Variants in FAM228B observed in about 807,000 individuals in gnomAD.
The protein encoded by FAM228B is family with sequence similarity 228 member B, also known as protein FAM228B.
A neutral mutation model predicts 42.6 loss-of-function variants in FAM228B; 38 were observed. That is an observed-to-expected ratio of 0.89 (90% confidence interval 0.69 to 1.17). The LOEUF (loss-of-function observed/expected upper bound fraction) is 1.17. Ranked by LOEUF, FAM228B falls within the 50% of genes most tolerant of loss-of-function variation. The probability of loss-of-function intolerance (pLI) is 0.00; values close to 1 mark genes in which losing one functional copy is unlikely to be tolerated. For missense variants in FAM228B, 344 were observed against 367.3 expected, an observed-to-expected ratio of 0.94 and a Z score of 0.52; for synonymous variants, 109 against 122.3, an observed-to-expected ratio of 0.89 and a Z score of 0.72.
chr2:24,153,306 C>T (rs1255505208), intron 7 of FAM228B, among the ~76,000 whole-genome samples: 5 of 152,204 alleles, frequency 3.3e-5, no homozygotes, highest in Non-Finnish European at 7.3e-5. Context: ...TTCTGGGTCA[C>T]TGCTGAAGCC....
chr2:24,168,620 T>C (rs1286166105), intron 10 of FAM228B, among the ~76,000 whole-genome samples: 3 of 151,956 alleles, frequency 2.0e-5, no homozygotes, highest in African/African-American at 7.3e-5. Flanking sequence ...TTTTGTGGGG[T>C]TTTGCTATAA....
At chr2:24,154,833 G>C (rs1329294905) in intron 7 of FAM228B, among the ~76,000 whole-genome samples, 1 of 152,140 alleles carries the variant, frequency 6.6e-6, no homozygotes, top group Non-Finnish European at 1.5e-5. Flanking sequence ...ATTATTTCTA[G>C]AGCATCATTA....
chr2:24,135,474 C>A (rs10187612), intron 3 of FAM228B, among the ~76,000 whole-genome samples: 2 of 151,998 alleles, frequency 1.3e-5, no homozygotes, highest in Non-Finnish European at 2.9e-5. Flanking sequence ...AATGAGCTAA[C>A]CCTTAAGAGC....
chr2:24,156,770 TTCCGCC>T (rs774116172), intron 7 of FAM228B, among the ~76,000 whole-genome samples: 4 of 30,110 alleles, frequency 1.3e-4, no homozygotes, highest in East Asian at 3.2e-3. Context: ...ATACATTTCT[TTCCGCC>T]CCCCCCCCCC....
rs144303249 is a variant in FAM228B, at chr2:24,139,198, T to G, written c.361-172T>G. 2.0e-4 allele frequency among the ~76,000 whole-genome samples: 30 copies of G among 152,292 alleles called. 1 individual carries two copies. The East Asian group carries it at 5.8e-3, about 29-fold the overall frequency. On this transcript the variant is annotated intron_variant, in intron 4 of 10. Coordinates refer to ENST00000615575, the MANE Select transcript of FAM228B (RefSeq NM_001145710.2). ...GATTCCTTCCTTCACTATACCTGAT[T>G]GCTTGAATAAATTAAATTTAAAATG...
intron 7 of FAM228B, among the ~76,000 whole-genome samples, chr2:24,160,071 C>T (rs1667252763): frequency 6.6e-6 from 1 of 151,728 alleles, no homozygotes; most frequent in Non-Finnish European, 1.5e-5. Context: ...TAACTGCAGC[C>T]TTGATCTCCT....
intron 3 of FAM228B, among the ~76,000 whole-genome samples, chr2:24,107,807 A>T (rs751027984): frequency 6.6e-6 from 1 of 152,212 alleles, no homozygotes; most frequent in Admixed American, 6.5e-5. Flanking sequence ...ATAGCACTAA[A>T]TGCCCACATG....
chr2:24,166,054 A>AAAAAATATATATATATAT (rs56146407), intron 9 of FAM228B: 1 of 81,030 alleles, frequency 1.2e-5, no homozygotes, highest in Admixed American at 1.8e-4. Flanking sequence ...AAAAAAAAAA[A>AAAAAATATATATATATAT]ATATATATAT....
At chr2:24,081,272 G>C (rs1664990728) in intron 2 of FAM228B, among the ~76,000 whole-genome samples, 1 of 152,152 alleles carries the variant, frequency 6.6e-6, no homozygotes, top group Non-Finnish European at 1.5e-5. Flanking sequence ...CTGTCTTATT[G>C]CCTCTGGCTA....
At chr2:24,137,511 G>A (rs1666618472) in intron 3 of FAM228B, among the ~76,000 whole-genome samples, 1 of 152,044 alleles carries the variant, frequency 6.6e-6, no homozygotes, top group Non-Finnish European at 1.5e-5. Context: ...TTGTTTCTTA[G>A]GGATGGGTTT....
rs764740471 is a variant in FAM228B at position 24,167,671 on chromosome 2, A to G, written c.*2A>G. On this transcript the variant is annotated 3_prime_UTR_variant, in exon 10 of 11. Coordinates refer to ENST00000615575, the MANE Select transcript of FAM228B (RefSeq NM_001145710.2). ...GGGCTGCTGAAGCTGGAGCTATAAG[A>G]AAGAAGAGGGAGGTAGATGTCTTCT... is the stretch of plus-strand genomic sequence containing the variant. 9 of 1,551,508 alleles carry G rather than the reference A, an allele frequency of 5.8e-6. No homozygotes were observed. The highest frequency in any genetic ancestry group is 4.4e-6 in the Non-Finnish European group (5 of 1,146,866).
chr2:24,137,823 A>T, intron 3 of FAM228B, 86 bp from the exon 4 acceptor site: 2 of 866,614 alleles, frequency 2.3e-6, no homozygotes, highest in Non-Finnish European at 3.5e-6. Flanking sequence ...GGAGTAATTT[A>T]AACTTATGAA....
At chr2:24,097,291 T>C (rs1665517155) in intron 3 of FAM228B, 1 of 152,092 alleles carries the variant, frequency 6.6e-6, no homozygotes, top group South Asian at 2.1e-4. Flanking sequence ...ACCTTAAATG[T>C]AAATGGGCTA....
At chr2:24,112,557 C>T (rs1665815927) in intron 3 of FAM228B, among the ~76,000 whole-genome samples, 1 of 152,144 alleles carries the variant, frequency 6.6e-6, no homozygotes, top group Non-Finnish European at 1.5e-5. Context: ...CAGCCTCAGT[C>T]TCCCAAAGTG....
At chr2:24,154,242 A>T (rs554314252) in intron 7 of FAM228B, among the ~76,000 whole-genome samples, 179 of 152,352 alleles carry the variant, frequency 1.2e-3, no homozygotes, top group African/African-American at 3.9e-3. Flanking sequence ...TTGTTGTTCC[A>T]GTGCGGGGAA....
chr2:24,087,994 C>T (rs1484699861), intron 2 of FAM228B, among the ~76,000 whole-genome samples: 2 of 152,024 alleles, frequency 1.3e-5, no homozygotes, highest in African/African-American at 2.4e-5. Flanking sequence ...CCACCTGCCT[C>T]GGCCTTCCAA....
At chr2:24,124,854 CT>C (rs1178136536) in intron 2 of FAM228B, among the ~76,000 whole-genome samples, 1 of 152,174 alleles carries the variant, frequency 6.6e-6, no homozygotes, top group Non-Finnish European at 1.5e-5. Flanking sequence ...GCCACCATGT[CT>C]GGCTAATTTT....
intron 7 of FAM228B, among the ~76,000 whole-genome samples, chr2:24,147,603 T>C (rs1174880074): frequency 1.3e-5 from 2 of 152,222 alleles, no homozygotes; most frequent in Non-Finnish European, 2.9e-5. Context: ...TATTTGTTTT[T>C]CAGTTGGATG....
chr2:24,143,346 A>G (rs1446916274), intron 5 of FAM228B, among the ~76,000 whole-genome samples: 2 of 151,896 alleles, frequency 1.3e-5, no homozygotes, highest in African/African-American at 4.8e-5. Flanking sequence ...ACGCCCGGCT[A>G]ATTTTGTTGT....
Sources: gnomAD v4.1 joint callset for allele counts (sites outside exome capture counted in the v4.1 genomes callset) on GRCh38, gnomAD v4.1.1 for gene constraint, MANE v1.5 for transcripts, NCBI Gene and HGNC (gene_info 2026-07-23, HGNC 2026-07-21) for gene names.